The following PLCH1 variants were observed in gnomAD, a reference collection of about 807,000 sequenced individuals.
PLCH1 encodes the protein 1-phosphatidylinositol 4,5-bisphosphate phosphodiesterase eta-1.
PLCH1 carries 60 observed loss-of-function variants against 126.7 expected under a neutral mutation model. The ratio of observed to expected loss-of-function variants is 0.47; its 90% CI spans 0.38 to 0.59. PLCH1 has a LOEUF of 0.59. PLCH1 is among the 20% of genes least tolerant of loss of function. The pLI is 0.00. For synonymous variants in PLCH1, 719 were observed against 734.9 expected (o/e 0.98, Z 0.35); for missense variants, 1,723 against 2,040.0 (o/e 0.84, Z 2.99).
At chr3:155,483,369 G>C in intron 22 of PLCH1, 2 of 1,544,150 alleles carry the variant, frequency 1.3e-6, no homozygotes, top group Non-Finnish European at 1.8e-6. Flanking sequence ...TTCCTATTCA[G>C]ATTTGTACTA....
intron 2 of PLCH1, among the ~76,000 whole-genome samples, chr3:155,689,750 A>G (rs576909243): frequency 6.6e-6 from 1 of 152,216 alleles, no homozygotes; most frequent in South Asian, 2.1e-4. Flanking sequence ...AGAAAAAAGA[A>G]TAACAAGCAA....
At chr3:155,663,490 C>A (rs896018474) in intron 2 of PLCH1, among the ~76,000 whole-genome samples, 24 of 152,168 alleles carry the variant, frequency 1.6e-4, no homozygotes, top group Non-Finnish European at 2.9e-4. Context: ...TCAAAGTATT[C>A]AAGCTCCACA....
intron 21 of PLCH1, among the ~76,000 whole-genome samples, chr3:155,459,428 G>A (rs374466744): frequency 6.6e-6 from 1 of 152,154 alleles, no homozygotes; most frequent in African/African-American, 2.4e-5. Flanking sequence ...CCATAATTTC[G>A]AATTTCATGT....
intron 2 of PLCH1, among the ~76,000 whole-genome samples, chr3:155,636,318 C>CTGT (rs1163322398): frequency 6.6e-6 from 1 of 152,078 alleles, no homozygotes; most frequent in Non-Finnish European, 1.5e-5. Flanking sequence ...GTTGTTGTTG[C>CTGT]TGTTGTTGTT....
chr3:155,726,443 T>G (rs925652047), intron 1 of PLCH1, among the ~76,000 whole-genome samples: 2 of 152,154 alleles, frequency 1.3e-5, no homozygotes, highest in Non-Finnish European at 2.9e-5. Flanking sequence ...TCAGGATAAT[T>G]TGTCATGTCT....
At chr3:155,693,325 C>T (rs1745552415) in intron 2 of PLCH1, among the ~76,000 whole-genome samples, 1 of 74,010 alleles carries the variant, frequency 1.4e-5, no homozygotes. Flanking sequence ...ATTAGCCGGG[C>T]GCGGTGGCGG....
At chr3:155,542,449 T>C (rs1281922651) in intron 10 of PLCH1, among the ~76,000 whole-genome samples, 1 of 152,214 alleles carries the variant, frequency 6.6e-6, no homozygotes, top group African/African-American at 2.4e-5. Context: ...GCTCCACCTC[T>C]GGGGGCAGGG....
chr3:155,634,853 C>A (rs1738530951), intron 2 of PLCH1, among the ~76,000 whole-genome samples: 1 of 152,144 alleles, frequency 6.6e-6, no homozygotes, highest in Non-Finnish European at 1.5e-5. Flanking sequence ...GGACTGGATA[C>A]CTGGGTGATT....
At position 155,481,290 on chromosome 3, in the gene PLCH1, C is replaced by T. The variant is rs200679519; in HGVS notation, c.4736G>A (p.Arg1579His). Residue 1579 changes from arginine to histidine, a missense_variant, in exon 23 of 23, where the codon CGC becomes CAC. This residue lies in a region of PLCH1 where 947 missense variants were observed against 977.1 expected (regional missense o/e 0.97). Coordinates refer to ENST00000460012, the MANE Select transcript of PLCH1 (RefSeq NM_014996.4). The surrounding 1 kb of genome is among the most constrained non-coding windows in gnomAD (Gnocchi z 4.2). The stretch of plus-strand genomic sequence containing the variant: ...CTCCTTGGCACGACTAGCAATATTG[C>T]GCACTCTGCTCTGACTTCTGGATGA... ...KLSSRSQSRVRNIASRAKEKQ... is the reference protein window; with the variant it reads ...KLSSRSQSRVHNIASRAKEKQ... The T allele has an allele frequency of 4.8e-5, 77 of 1,614,210 alleles. No homozygotes were observed. The highest frequency in any genetic ancestry group is 5.3e-5 in the Non-Finnish European group (62 of 1,180,032).
In PLCH1 at chr3:155,494,395, G is replaced by A. The variant is rs1313996627; in HGVS notation, c.2017C>T (p.Arg673Cys). 11 of 1,613,968 alleles carry A rather than the reference G, an allele frequency of 6.8e-6. No individual in the cohort carries two copies. The highest frequency in any genetic ancestry group is 1.3e-5 in the African/African-American group (1 of 74,918). The change falls in exon 16 of 23, where the codon CGC (arginine) becomes TGC (cysteine). Residue 673 changes from arginine (R) to cysteine (C), a missense_variant. This residue lies in a region of PLCH1 where 776 missense variants were observed against 1,062.9 expected (regional missense o/e 0.73). Coordinates refer to ENST00000460012, the MANE Select transcript of PLCH1 (RefSeq NM_014996.4). Reference sequence around the variant, plus strand: ...GGGTTGAAGTTACTGGAATCAATGCGGTAGGCAGAGGGGTAAATCCTCGTG... The same window carrying A: ...GGGTTGAAGTTACTGGAATCAATGCAGTAGGCAGAGGGGTAAATCCTCGTG... ...QLTRIYPSAY[R>C]IDSSNFNPLP...
chr3:155,681,464 A>G (rs1181209045), intron 2 of PLCH1, among the ~76,000 whole-genome samples: 2 of 152,238 alleles, frequency 1.3e-5, no homozygotes, highest in Non-Finnish European at 2.9e-5. Flanking sequence ...ATGGCACAGC[A>G]AGTCTGTGAT....
intron 2 of PLCH1, among the ~76,000 whole-genome samples, chr3:155,625,863 G>A (rs1737175082): frequency 6.6e-6 from 1 of 152,160 alleles, no homozygotes; most frequent in African/African-American, 2.4e-5. Flanking sequence ...ATTTGACCCA[G>A]CAATTCCATT....
At position 155,549,795 on chromosome 3, in the gene PLCH1, G is replaced by A. The variant is rs961444446; in HGVS notation, c.1354C>T (p.Leu452=). 2 of 1,611,754 alleles carry A rather than the reference G, an allele frequency of 1.2e-6. No homozygotes were observed. The highest frequency in any genetic ancestry group is 1.7e-5 in the Admixed American group (1 of 59,786). The change falls in exon 10 of 23, where the codon CTA becomes TTA. Residue 452 remains leucine, a synonymous_variant. Transcript: ENST00000460012. ...TTACTTGAAGTAATTACCTTCACTA[G>A]AATTTTGCCTTTCAAACTTTGAGGG... ...PSPQSLKGKI[L]VKGKKLPYHL...
At chr3:155,658,312 C>A in intron 2 of PLCH1, 1 of 195,454 alleles carries the variant, frequency 5.1e-6, no homozygotes, top group South Asian at 1.1e-4. Flanking sequence ...CTCTAGTTCT[C>A]AATCAAGTTC....
chr3:155,476,924 A>G (rs1418921900), downstream of PLCH1, among the ~76,000 whole-genome samples: 2 of 152,188 alleles, frequency 1.3e-5, no homozygotes, highest in African/African-American at 4.8e-5. Context: ...TGGAACCACA[A>G]AAGACCCAGA....
At chr3:155,733,527 A>G (rs1387626755) in intron 1 of PLCH1, among the ~76,000 whole-genome samples, 1 of 152,216 alleles carries the variant, frequency 6.6e-6, no homozygotes, top group Non-Finnish European at 1.5e-5. Flanking sequence ...ATGCAGAAGA[A>G]TAAGATTAGA....
chr3:155,614,470 T>C (rs182804018), intron 2 of PLCH1, among the ~76,000 whole-genome samples: 57 of 144,042 alleles, frequency 4.0e-4, no homozygotes, highest in African/African-American at 1.4e-3. Flanking sequence ...TAGAACAGAA[T>C]AGAGAACTAA....
intron 21 of PLCH1, among the ~76,000 whole-genome samples, chr3:155,468,939 A>C (rs1713039806): frequency 6.6e-6 from 1 of 152,234 alleles, no homozygotes; most frequent in Non-Finnish European, 1.5e-5. Context: ...GTATTTACAG[A>C]ACATTTCATC....
At chr3:155,737,320 T>C (rs1749274362) in intron 1 of PLCH1, among the ~76,000 whole-genome samples, 3 of 149,502 alleles carry the variant, frequency 2.0e-5, no homozygotes, top group Admixed American at 2.0e-4. Context: ...TTGTGTATCC[T>C]TCTGAAGATT....
Sources: allele counts gnomAD v4.1 joint callset (sites outside exome capture counted in the v4.1 genomes callset), GRCh38; gene constraint gnomAD v4.1.1; regional missense constraint gnomAD v4.1.1; non-coding constraint Gnocchi (gnomAD v3.1); transcripts MANE v1.5; gene names NCBI Gene and HGNC (gene_info 2026-07-23, HGNC 2026-07-21).